Variants in DMD observed in about 807,000 individuals in gnomAD.
The protein encoded by DMD is mutant dystrophin.
In DMD, 63 loss-of-function variants were observed where a neutral mutation model predicts 330.1. The observed-to-expected ratio is 0.19, with a 90% confidence interval of 0.16 to 0.24. DMD has a LOEUF of 0.24. Ranked by LOEUF, DMD falls within the 10% of genes least tolerant of loss-of-function variation. The pLI, the probability that DMD is intolerant of heterozygous loss-of-function variation, is 1.00. For missense variants in DMD, 3,344 were observed against 2,684.1 expected, an observed-to-expected ratio of 1.25 and a Z score of -5.43; for synonymous variants, 1,223 against 959.8, an observed-to-expected ratio of 1.27 and a Z score of -5.07.
chrX:32,973,392 T>G (rs1035291915), intron 2 of DMD, among the ~76,000 whole-genome samples: 3 of 112,161 alleles, frequency 2.7e-5, no homozygotes, highest in Non-Finnish European at 5.6e-5. Flanking sequence ...CTGGGTGAGT[T>G]TGTAACTACT....
rs192716264 is a variant in DMD, at chrX:32,187,065, C to T, written c.6438+29851G>A. Among the ~76,000 whole-genome samples the T allele has an allele frequency of 3.1e-3, 343 of 109,986 alleles. 2 individuals are homozygous for T. The highest frequency in any genetic ancestry group is 6.7e-3 in the African/African-American group (203 of 30,375). ...AGATTTTAGCATCAACTGACCAAAG[C>T]ATAAGGGGCCATCCAAGAAAAAAAA... is the stretch of plus-strand genomic sequence containing the variant. On this transcript the variant is annotated intron_variant, in intron 44 of 78. Transcript: ENST00000357033.
At chrX:32,968,249 ATT>A (rs11341298) in intron 2 of DMD, among the ~76,000 whole-genome samples, 262 of 102,594 alleles carry the variant, frequency 2.6e-3, no homozygotes, top group East Asian at 5.9e-3. Flanking sequence ...TTTCAAACAG[ATT>A]TTTTTTTTTT....
chrX:33,046,390 G>A (rs1355146442), intron 1 of DMD, among the ~76,000 whole-genome samples: 2 of 111,659 alleles, frequency 1.8e-5, no homozygotes, highest in Non-Finnish European at 3.8e-5. Context: ...GTGCAAAGGT[G>A]TAGGGCCCAA....
Position 31,569,577 on chromosome X carries a change from A to C in DMD, c.8217+58096T>G, listed in dbSNP as rs182516693. 3.2e-3 allele frequency among the ~76,000 whole-genome samples: 304 copies of C among 94,485 alleles called. 1 individual carries two copies. The highest frequency in any genetic ancestry group is 0.011 in the African/African-American group (283 of 26,278). 82.0% of individuals were successfully genotyped at this position (94,485 alleles called of 115,157 possible). On this transcript the variant is annotated intron_variant, in intron 55 of 78. Transcript: ENST00000357033. Reference sequence around the variant, plus strand: ...GTGTTTTTTATATATATATGTGTATATATATAAAATATATATATACACATA... The same window carrying C: ...GTGTTTTTTATATATATATGTGTATCTATATAAAATATATATATACACATA...
At chrX:32,597,990 G>A (rs960807372) in intron 12 of DMD, among the ~76,000 whole-genome samples, 1 of 112,250 alleles carries the variant, frequency 8.9e-6, no homozygotes. Flanking sequence ...ACAGTGCTTA[G>A]CACCTATCAG....
At chrX:31,514,242 T>C (rs2071952574) in intron 55 of DMD, among the ~76,000 whole-genome samples, 1 of 111,693 alleles carries the variant, frequency 9.0e-6, no homozygotes, top group Non-Finnish European at 1.9e-5. Context: ...ATAATGTGTG[T>C]CCCCATAAAA....
At position 31,815,449 on chromosome X, in the gene DMD, C is replaced by CA. The variant is rs772005297; in HGVS notation, c.7309+4525dup. On this transcript the variant is annotated intron_variant, in intron 50 of 78. Coordinates refer to ENST00000357033, the MANE Select transcript of DMD (RefSeq NM_004006.3). ...TGGGTGACAGAGCAAGACTCAGTCT[C>CA]AAAAAAAAAGAGAGAGAGAGAGATG... 2.4e-3 allele frequency among the ~76,000 whole-genome samples: 236 copies of CA among 97,679 alleles called. 2 individuals carry two copies. Among genetic ancestry groups the CA allele is most frequent in the Non-Finnish European group, 4.1e-3 (197 of 48,540 alleles). 84.8% of individuals were successfully genotyped at this position (97,679 alleles called of 115,157 possible).
chrX:32,368,326 AT>A (rs200730075), intron 34 of DMD, among the ~76,000 whole-genome samples: 3 of 109,423 alleles, frequency 2.7e-5, no homozygotes, highest in East Asian at 2.9e-4. Flanking sequence ...AAAAAATCAC[AT>A]TTTTTTTTGG....
intron 45 of DMD, among the ~76,000 whole-genome samples, chrX:31,943,878 TGAGAGAGA>T (rs536982335): frequency 0.015 from 1,138 of 74,399 alleles, 6 homozygotes; most frequent in African/African-American, 0.036. Context: ...CCCCAGAGAG[TGAGAGAGA>T]GAGAGAGAGA....
At chrX:33,237,426 G>C (rs1358897876) in intron 1 of DMD, among the ~76,000 whole-genome samples, 4 of 109,676 alleles carry the variant, frequency 3.6e-5, no homozygotes, top group Non-Finnish European at 7.6e-5. Context: ...TATTTTTTTA[G>C]TAGAGACAGA....
At chrX:32,791,066 C>T (rs909752308) in intron 7 of DMD, among the ~76,000 whole-genome samples, 1 of 111,322 alleles carries the variant, frequency 9.0e-6, no homozygotes, top group Non-Finnish European at 1.9e-5. Flanking sequence ...GACTAGTCTT[C>T]CTGGGGCCTG....
chrX:33,208,462 C>A lies in DMD; in HGVS notation c.31+2820G>T, dbSNP rs898416970. ...TTCTATTATTTTTCTTAAAATAGCA[C>A]CCCCAATTGTATAACCTCAGGCCCC... On this transcript the variant is annotated intron_variant, in intron 1 of 78. Coordinates refer to ENST00000357033, the MANE Select transcript of DMD (RefSeq NM_004006.3). Among the ~76,000 whole-genome samples the A allele has an allele frequency of 7.2e-5, 8 of 110,944 alleles. No individual in the cohort carries two copies. The South Asian group carries it at 1.9e-3, about 26-fold the overall frequency.
At chrX:32,850,861 A>G (rs988206291) in intron 2 of DMD, among the ~76,000 whole-genome samples, 3 of 111,897 alleles carry the variant, frequency 2.7e-5, no homozygotes, top group African/African-American at 9.7e-5. Context: ...AACCTGAGCT[A>G]GGTACTGAAT....
At position 32,252,693 on chromosome X, in the gene DMD, T is replaced by A. The variant is rs866794974; in HGVS notation, c.6290+34836A>T. On this transcript the variant is annotated intron_variant, in intron 43 of 78. Coordinates refer to ENST00000357033, the MANE Select transcript of DMD (RefSeq NM_004006.3). ...ATATATATAAATATATAAATATATA[T>A]ATAAATATATATAAATATATAAATA... Among the ~76,000 whole-genome samples the A allele has an allele frequency of 1.9e-3, 87 of 46,428 alleles. 3 individuals are homozygous for A. Among genetic ancestry groups the A allele is most frequent in the African/African-American group, 8.6e-3 (83 of 9,617 alleles). The allele number at this position is 46,428 out of a possible 115,157, so 40.3% of individuals were successfully genotyped here.
At chrX:31,433,725 C>T (rs2064256960) in intron 60 of DMD, among the ~76,000 whole-genome samples, 1 of 111,616 alleles carries the variant, frequency 9.0e-6, no homozygotes, top group African/African-American at 3.3e-5. Flanking sequence ...TCCCAAAGTG[C>T]TGGGATCACA....
At chrX:32,475,410 T>C (rs189764598) in intron 21 of DMD, among the ~76,000 whole-genome samples, 105 of 111,232 alleles carry the variant, frequency 9.4e-4, no homozygotes, top group African/African-American at 3.4e-3. Flanking sequence ...GTTATTTTGA[T>C]GGGGATTGCA....
chrX:32,805,812 A>G (rs2076907043), intron 7 of DMD, among the ~76,000 whole-genome samples: 1 of 112,030 alleles, frequency 8.9e-6, no homozygotes, highest in African/African-American at 3.2e-5. Flanking sequence ...TTTAACTCAG[A>G]ATTTCATAGC....
intron 44 of DMD, among the ~76,000 whole-genome samples, chrX:32,103,739 A>C (rs1603625511): frequency 8.9e-6 from 1 of 112,263 alleles, no homozygotes; most frequent in Admixed American, 9.5e-5. Context: ...TTATATTCGT[A>C]AACACTGCTA....
intron 60 of DMD, among the ~76,000 whole-genome samples, chrX:31,363,697 A>G (rs1415825488): frequency 8.9e-6 from 1 of 111,993 alleles, no homozygotes; most frequent in African/African-American, 3.2e-5. Context: ...ATCTTTATAG[A>G]GCAAGGTTTC....
Sources: gnomAD v4.1 joint callset for allele counts (sites outside exome capture counted in the v4.1 genomes callset) on GRCh38, gnomAD v4.1.1 for gene constraint, MANE v1.5 for transcripts, NCBI Gene and HGNC (gene_info 2026-07-23, HGNC 2026-07-21) for gene names.